Variants in ANAPC1 observed in about 807,000 individuals in gnomAD.
ANAPC1 encodes the protein anaphase promoting complex subunit 1, also known as anaphase-promoting complex subunit 1.
In ANAPC1, 36 loss-of-function variants were observed where a neutral mutation model predicts 208.0. The observed-to-expected ratio is 0.17, with a 90% confidence interval of 0.13 to 0.23. The LOEUF (loss-of-function observed/expected upper bound fraction) is 0.23, where lower values mean the gene tolerates loss of function less well. Ranked by LOEUF, ANAPC1 falls within the 10% of genes least tolerant of loss-of-function variation. The probability of loss-of-function intolerance (pLI) is 1.00; values close to 1 mark genes in which losing one functional copy is unlikely to be tolerated. For synonymous variants in ANAPC1, 378 were observed against 695.2 expected (o/e 0.54, Z 7.18); for missense variants, 942 against 2,011.6 (o/e 0.47, Z 10.17).
chr2:111,875,197 T>TA (rs1458991897), intron 3 of ANAPC1, among the ~76,000 whole-genome samples: 1 of 152,252 alleles, frequency 6.6e-6, no homozygotes, highest in Non-Finnish European at 1.5e-5. Context: ...TTCATGTGCT[T>TA]ACTGACCATG....
At chr2:111,778,443 G>A (rs1240528793) in intron 45 of ANAPC1, among the ~76,000 whole-genome samples, 2 of 146,898 alleles carry the variant, frequency 1.4e-5, no homozygotes, top group African/African-American at 2.5e-5. Context: ...AGGGAGGAAT[G>A]GGAACCCTTA....
In ANAPC1 at chr2:111,782,410, G is replaced by C; in HGVS notation, c.5161C>G (p.Gln1721Glu). The change falls in exon 43 of 48, where the codon CAG becomes GAG. Residue 1721 changes from glutamine to glutamate, a missense_variant. Transcript: ENST00000341068. ...TCAGAGTTCCTGTTAGCAACAGTCTGAGCCAACAAACTTTGCCATCCCATT... is the reference window on the plus strand; with the variant it reads ...TCAGAGTTCCTGTTAGCAACAGTCTCAGCCAACAAACTTTGCCATCCCATT... ...DPMGWQSLLA[Q>E]TVANRNSEAR... The C allele has an allele frequency of 6.2e-7, 1 of 1,613,154 alleles. No homozygotes were observed. The highest frequency in any genetic ancestry group is 8.5e-7 in the Non-Finnish European group (1 of 1,179,436).
At position 111,863,775 on chromosome 2, in the gene ANAPC1, G is replaced by C; in HGVS notation, c.952C>G (p.Pro318Ala). Residue 318 changes from proline (P) to alanine (A), a missense_variant, in exon 9 of 48, where the codon CCT becomes GCT. Physicochemically the swap from Pro to Ala is conservative, Grantham distance 27. Coordinates refer to ENST00000341068, the MANE Select transcript of ANAPC1 (RefSeq NM_022662.4). The part of the protein sequence containing the change: ...LSKGDSPVTS[P>A]FQNYSSIHSQ... ...TGAATGGAGGAGTAATTCTGGAAAG[G>C]TGAAGTCACAGGGGAATCTCCTTTG... The C allele has an allele frequency of 2.5e-6, 4 of 1,613,988 alleles. No homozygotes were observed. Among genetic ancestry groups the C allele is most frequent in the Non-Finnish European group, 2.5e-6 (3 of 1,179,866 alleles).
chr2:111,854,846 T>A (rs1681611431), intron 13 of ANAPC1, among the ~76,000 whole-genome samples: 1 of 152,166 alleles, frequency 6.6e-6, no homozygotes, highest in African/African-American at 2.4e-5. Flanking sequence ...TTTCTTCATA[T>A]CAGCGATAAG....
chr2:111,836,587 C>T (rs1256052534), intron 18 of ANAPC1, among the ~76,000 whole-genome samples: 7 of 151,268 alleles, frequency 4.6e-5, no homozygotes, highest in African/African-American at 1.7e-4. Flanking sequence ...TTCAAGATTA[C>T]AGTCAACTAC....
At chr2:111,879,343 C>T (rs1683178053) in intron 2 of ANAPC1, among the ~76,000 whole-genome samples, 1 of 152,182 alleles carries the variant, frequency 6.6e-6, no homozygotes, top group Non-Finnish European at 1.5e-5. Context: ...ACGTGGGAAT[C>T]ACTTGGGGAG....
rs1558747837 is a variant in ANAPC1 at position 111,878,851 on chromosome 2, C to T, written c.334G>A (p.Ala112Thr). 36 of 1,606,454 alleles carry T rather than the reference C, an allele frequency of 2.2e-5. No homozygotes were observed. Among genetic ancestry groups the T allele is most frequent in the Non-Finnish European group, 3.1e-5 (36 of 1,177,580 alleles). The change falls in exon 3 of 48, where the codon GCA (alanine) becomes ACA (threonine). Residue 112 changes from alanine (A) to threonine (T), a missense_variant. Physicochemically the swap from Ala to Thr is moderately conservative, Grantham distance 58. Coordinates refer to ENST00000341068, the MANE Select transcript of ANAPC1 (RefSeq NM_022662.4). The stretch of plus-strand genomic sequence containing the variant: ...TCAACTGTAAATGCTTTATAAACTG[C>T]CAATGCCTGGCTTTTACTTCCTTTG... The part of the protein sequence containing the change: ...WSKGSKSQAL[A>T]VYKAFTVDSP...
rs1189978233 is a variant in ANAPC1, at chr2:111,858,477, G to A, written c.1263-76C>T. On this transcript the variant is annotated intron_variant, in intron 10 of 47. Coordinates refer to ENST00000341068, the MANE Select transcript of ANAPC1 (RefSeq NM_022662.4). The stretch of plus-strand genomic sequence containing the variant: ...ACCACAGTAACTATTAAAAGTCTTT[G>A]AGGCCGGGCGCGGTGGCTCACACCT... 3.8e-6 allele frequency: 5 copies of A among 1,299,372 alleles called. No homozygotes were observed. In the East Asian group the frequency reaches 1.1e-4, roughly 28 times the overall value. 80.5% of individuals were successfully genotyped at this position (1,299,372 alleles called of 1,614,324 possible). A position where few individuals can be genotyped will look rare whatever the true frequency, so the allele number is the denominator to read the frequency against.
At chr2:111,851,968 C>T (rs557188069) in intron 13 of ANAPC1, among the ~76,000 whole-genome samples, 114 of 152,196 alleles carry the variant, frequency 7.5e-4, no homozygotes, top group African/African-American at 1.5e-3. Flanking sequence ...ATATTAACAA[C>T]GTACGTATTC....
intron 18 of ANAPC1, among the ~76,000 whole-genome samples, chr2:111,835,609 C>A (rs1463937423): frequency 1.3e-5 from 2 of 152,064 alleles, no homozygotes; most frequent in Non-Finnish European, 2.9e-5. Flanking sequence ...GAGGCCGAGG[C>A]GGGTGGATCA....
Position 111,831,711 on chromosome 2 carries a change from C to T in ANAPC1, c.2477-277G>A, listed in dbSNP as rs547849294. Among the ~76,000 whole-genome samples, 6 of 150,534 alleles carry T rather than the reference C, an allele frequency of 4.0e-5. No individual in the cohort carries two copies. In the East Asian group the frequency reaches 7.9e-4, roughly 20 times the overall value. Reference sequence around the variant, plus strand: ...AAAAAATTAGCTGGGCCTAGTGGTGCGCACCCGTAGTCCCAGCTGCTTGGG... The same window carrying T: ...AAAAAATTAGCTGGGCCTAGTGGTGTGCACCCGTAGTCCCAGCTGCTTGGG... On this transcript the variant is annotated intron_variant, in intron 20 of 47. Transcript: ENST00000341068.
rs553631721 is a variant in ANAPC1, at chr2:111,875,203, C to T, written c.376-1539G>A. 1.2e-3 allele frequency among the ~76,000 whole-genome samples: 176 copies of T among 152,302 alleles called. 2 individuals are homozygous for T. The highest frequency in any genetic ancestry group is 2.2e-4 in the Non-Finnish European group (15 of 68,026). On this transcript the variant is annotated intron_variant, in intron 3 of 47. Coordinates refer to ENST00000341068, the MANE Select transcript of ANAPC1 (RefSeq NM_022662.4). ...GAGCATCTTTTCATGTGCTTACTGACCATGTGTGCATCTTTAGAAAAATGT... is the reference window on the plus strand; with the variant it reads ...GAGCATCTTTTCATGTGCTTACTGATCATGTGTGCATCTTTAGAAAAATGT...
At chr2:111,865,499 T>C (rs1227013900) in intron 7 of ANAPC1, among the ~76,000 whole-genome samples, 2 of 152,180 alleles carry the variant, frequency 1.3e-5, no homozygotes, top group Non-Finnish European at 2.9e-5. Flanking sequence ...TGACAGGAAA[T>C]GTTTCCCACT....
intron 38 of ANAPC1, among the ~76,000 whole-genome samples, chr2:111,791,532 T>C (rs559249685): frequency 5.5e-4 from 84 of 152,180 alleles, no homozygotes; most frequent in Admixed American, 4.3e-3. Flanking sequence ...ATGGGGGAGA[T>C]CAATAAAATG....
chr2:111,879,359 A>G (rs1392219283), intron 2 of ANAPC1, among the ~76,000 whole-genome samples: 1 of 152,240 alleles, frequency 6.6e-6, no homozygotes, highest in African/African-American at 2.4e-5. Context: ...GGGAGTTCAC[A>G]CACAAATGCA....
chr2:111,869,524 A>G (rs10197116), intron 6 of ANAPC1, among the ~76,000 whole-genome samples: 88,597 of 152,082 alleles, frequency 0.58, 26,710 homozygotes, highest in South Asian at 0.69. Flanking sequence ...GGGATTACAG[A>G]CGTGGGCCAC....
chr2:111,773,789 G>A (rs1038006397), intron 46 of ANAPC1, among the ~76,000 whole-genome samples: 1 of 152,130 alleles, frequency 6.6e-6, no homozygotes, highest in South Asian at 2.1e-4. Flanking sequence ...AAGGGGCCAG[G>A]GTGGTGTGGG....
At position 111,880,195 on chromosome 2, in the gene ANAPC1, G is replaced by C. The variant is rs900504851; in HGVS notation, c.213+418C>G. 2.0e-5 allele frequency among the ~76,000 whole-genome samples: 3 copies of C among 152,068 alleles called. 1 individual carries two copies. The highest frequency in any genetic ancestry group is 7.2e-5 in the African/African-American group (3 of 41,468). On this transcript the variant is annotated intron_variant, in intron 2 of 47. Coordinates refer to ENST00000341068, the MANE Select transcript of ANAPC1 (RefSeq NM_022662.4). ...TCAAGATCAGCCTGACCAACATGGAGAAACCCCATCACTACTAAAAATACA... is the reference window on the plus strand; with the variant it reads ...TCAAGATCAGCCTGACCAACATGGACAAACCCCATCACTACTAAAAATACA...
chr2:111,877,142 T>C (rs890001277), intron 3 of ANAPC1, among the ~76,000 whole-genome samples: 1 of 150,352 alleles, frequency 6.7e-6, no homozygotes. Context: ...TGTTCTCCTA[T>C]AAAACCATAA....
Sources: allele counts gnomAD v4.1 joint callset (sites outside exome capture counted in the v4.1 genomes callset), GRCh38; gene constraint gnomAD v4.1.1; transcripts MANE v1.5; gene names NCBI Gene and HGNC (gene_info 2026-07-23, HGNC 2026-07-21).